Variants in SYN2 observed in about 807,000 individuals in gnomAD.
SYN2 encodes synapsin II.
In SYN2, 19 loss-of-function variants were observed where a neutral mutation model predicts 50.9. The ratio of observed to expected loss-of-function variants is 0.37; its 90% CI spans 0.26 to 0.55. The LOEUF is 0.55. SYN2 is among the 20% of genes least tolerant of loss of function. The pLI is 0.81. For synonymous variants in SYN2, 255 were observed against 224.9 expected (o/e 1.13, Z -1.20); for missense variants, 587 against 576.4 (o/e 1.02, Z -0.19).
intron 1 of SYN2, among the ~76,000 whole-genome samples, chr3:12,118,406 G>A (rs956084064): frequency 3.3e-5 from 5 of 152,076 alleles, no homozygotes; most frequent in Admixed American, 1.3e-4. Context: ...CTAAAAATAC[G>A]TGAATGAATG....
intron 1 of SYN2, among the ~76,000 whole-genome samples, chr3:12,087,380 C>T (rs912150087): frequency 4.6e-5 from 7 of 151,914 alleles, no homozygotes; most frequent in African/African-American, 1.5e-4. Context: ...TGTAAGAAAC[C>T]GTAAAAGACT....
At chr3:12,018,491 T>C (rs1476405079) in intron 1 of SYN2, among the ~76,000 whole-genome samples, 1 of 152,164 alleles carries the variant, frequency 6.6e-6, no homozygotes, top group African/African-American at 2.4e-5. Flanking sequence ...TGGGCAAAAA[T>C]ATCAGTTCTT....
At chr3:12,123,837 C>T (rs753423185) in intron 1 of SYN2, among the ~76,000 whole-genome samples, 6 of 151,872 alleles carry the variant, frequency 4.0e-5, no homozygotes, top group African/African-American at 7.3e-5. Flanking sequence ...GGCAAAACCC[C>T]GTCTCTACAA....
chr3:12,047,519 C>T (rs1694765310), intron 1 of SYN2, among the ~76,000 whole-genome samples: 1 of 152,038 alleles, frequency 6.6e-6, no homozygotes, highest in African/African-American at 2.4e-5. Context: ...ACAATCTGTT[C>T]TGTTGTGTTA....
chr3:12,191,232 C>T lies in SYN2; in HGVS notation c.*607C>T. The T allele has an allele frequency of 4.2e-6, 4 of 961,450 alleles. No homozygotes were observed. The highest frequency in any genetic ancestry group is 3.7e-6 in the Non-Finnish European group (3 of 808,116). 59.6% of individuals were successfully genotyped at this position (961,450 alleles called of 1,614,324 possible). A position where few individuals can be genotyped will look rare whatever the true frequency, so the allele number is the denominator to read the frequency against. Reference sequence around the variant, plus strand: ...GGGAGAACAAGGATCTGCAGTTTCCCCTTTTCTCCCCTCTGAAGAGTGGTT... The same window carrying T: ...GGGAGAACAAGGATCTGCAGTTTCCTCTTTTCTCCCCTCTGAAGAGTGGTT... On this transcript the variant is annotated 3_prime_UTR_variant, in exon 13 of 13. Coordinates refer to ENST00000621198, the MANE Select transcript of SYN2 (RefSeq NM_133625.6).
chr3:12,189,666 G>A (rs1302690244), intron 12 of SYN2, among the ~76,000 whole-genome samples: 1 of 152,178 alleles, frequency 6.6e-6, no homozygotes, highest in African/African-American at 2.4e-5. Context: ...AGCTGGGCAT[G>A]GTGGCAACCA....
rs561382052 is a variant in SYN2 at position 12,117,346 on chromosome 3, G to A, written c.378-23305G>A. On this transcript the variant is annotated intron_variant, in intron 1 of 12. Transcript: ENST00000621198. ...CTCTACTGAATCATTCAGCATTTAC[G>A]TTTTGAGTGACAACTTTCTTAGGTA... 4.6e-5 allele frequency among the ~76,000 whole-genome samples: 7 copies of A among 152,256 alleles called. No homozygotes were observed. In the South Asian group the frequency reaches 1.0e-3, roughly 23 times the overall value.
At chr3:12,158,958 C>T (rs974395998) in intron 5 of SYN2, 5 of 1,369,878 alleles carry the variant, frequency 3.6e-6, no homozygotes, top group African/African-American at 1.5e-5. Context: ...GCCCTAAGGG[C>T]CAATCCCGCC....
intron 1 of SYN2, among the ~76,000 whole-genome samples, chr3:12,084,205 A>G (rs1695641004): frequency 6.6e-6 from 1 of 152,130 alleles, no homozygotes; most frequent in South Asian, 2.1e-4. Context: ...TTTCTTAATT[A>G]TGTCTTTTGA....
At chr3:12,070,896 C>T in intron 1 of SYN2, 1 of 564,850 alleles carries the variant, frequency 1.8e-6, no homozygotes, top group Non-Finnish European at 3.5e-6. Context: ...GCTATGTTGC[C>T]CTGGACTTCG....
Position 12,108,606 on chromosome 3 carries a change from T to C in SYN2, c.378-32045T>C, listed in dbSNP as rs1467069873. Reference sequence around the variant, plus strand: ...CTTTTTCCACCTCCGGTTCCATTCTTTTTAAATACAGAGTCCCTCTTTTTT... The same window carrying C: ...CTTTTTCCACCTCCGGTTCCATTCTCTTTAAATACAGAGTCCCTCTTTTTT... On this transcript the variant is annotated intron_variant, in intron 1 of 12. Transcript: ENST00000621198. Among the ~76,000 whole-genome samples the C allele has an allele frequency of 2.6e-5, 4 of 152,216 alleles. No homozygotes were observed. In the East Asian group the frequency reaches 7.7e-4, roughly 29 times the overall value.
At chr3:12,182,611 A>T (rs1188486889) in intron 10 of SYN2, among the ~76,000 whole-genome samples, 2 of 152,080 alleles carry the variant, frequency 1.3e-5, no homozygotes, top group Non-Finnish European at 2.9e-5. Flanking sequence ...TTAATGTCTT[A>T]CTCTTTCCCT....
At chr3:12,095,758 C>A (rs766710816) in intron 1 of SYN2, among the ~76,000 whole-genome samples, 17 of 150,630 alleles carry the variant, frequency 1.1e-4, no homozygotes, top group Non-Finnish European at 2.4e-4. Context: ...GTTGGGATTT[C>A]TCAGGGCTCA....
chr3:12,130,900 T>C (rs980299473), intron 1 of SYN2, among the ~76,000 whole-genome samples: 2 of 152,258 alleles, frequency 1.3e-5, no homozygotes, highest in Non-Finnish European at 2.9e-5. Flanking sequence ...GAGAAACTAC[T>C]GCAGGAGAGG....
chr3:12,116,861 CT>C (rs1331095940), intron 1 of SYN2, among the ~76,000 whole-genome samples: 1 of 152,158 alleles, frequency 6.6e-6, no homozygotes, highest in Non-Finnish European at 1.5e-5. Context: ...AGTGATCCCC[CT>C]GCCTCAGCCT....
At chr3:12,022,612 A>T (rs889071388) in intron 1 of SYN2, among the ~76,000 whole-genome samples, 1 of 151,298 alleles carries the variant, frequency 6.6e-6, no homozygotes, top group Non-Finnish European at 1.5e-5. Flanking sequence ...GTTTCACCAT[A>T]TTTACCAAGA....
intron 1 of SYN2, among the ~76,000 whole-genome samples, chr3:12,039,371 A>G (rs953682000): frequency 6.6e-6 from 1 of 152,088 alleles, no homozygotes; most frequent in Non-Finnish European, 1.5e-5. Flanking sequence ...TACAGAGGGA[A>G]ATACAAGGTC....
At chr3:12,163,215 C>T (rs1005227379) in intron 7 of SYN2, among the ~76,000 whole-genome samples, 19 of 136,702 alleles carry the variant, frequency 1.4e-4, no homozygotes, top group African/African-American at 4.8e-4. Flanking sequence ...GCACTCCAGC[C>T]TGGGCGACAG....
At chr3:12,160,738 C>G (rs1173578084) in intron 5 of SYN2, among the ~76,000 whole-genome samples, 3 of 152,232 alleles carry the variant, frequency 2.0e-5, no homozygotes, top group African/African-American at 7.2e-5. Flanking sequence ...GACTAGAGTA[C>G]TCGTCTCCTG....
Sources: gnomAD v4.1 joint callset for allele counts (sites outside exome capture counted in the v4.1 genomes callset) on GRCh38, gnomAD v4.1.1 for gene constraint, MANE v1.5 for transcripts, NCBI Gene and HGNC (gene_info 2026-07-23, HGNC 2026-07-21) for gene names.